DLG2: variants seen among roughly 807,000 people sequenced by gnomAD.
DLG2 encodes the protein discs large MAGUK scaffold protein 2, also known as disks large homolog 2.
DLG2 carries 45 observed loss-of-function variants against 132.5 expected under a neutral mutation model. That is an observed-to-expected ratio of 0.34 (90% CI 0.27 to 0.44). The LOEUF is 0.44. Ranked by LOEUF, DLG2 falls within the 20% of genes least tolerant of loss-of-function variation. The pLI, the probability that DLG2 is intolerant of heterozygous loss-of-function variation, is 1.00. For missense variants in DLG2, 1,045 were observed against 1,196.9 expected (o/e 0.87, Z 1.87); for synonymous variants, 424 against 419.6 (o/e 1.01, Z -0.13).
rs150913359 is a variant in DLG2 at position 84,227,636 on chromosome 11, T to C, written c.573+23602A>G. Among the ~76,000 whole-genome samples, 414 of 152,184 alleles carry C rather than the reference T, an allele frequency of 2.7e-3. 2 individuals are homozygous for C. The highest frequency in any genetic ancestry group is 6.8e-3 in the Middle Eastern group (2 of 294). ...GAGTTGGTGCTTTAAAAAATATGTATATTGGCTGGGTGTGGTGGCTCACAC... is the reference window on the plus strand; with the variant it reads ...GAGTTGGTGCTTTAAAAAATATGTACATTGGCTGGGTGTGGTGGCTCACAC... On this transcript the variant is annotated intron_variant, in intron 8 of 27. Transcript: ENST00000376104.
chr11:85,186,548 A>G (rs181888579), intron 4 of DLG2, among the ~76,000 whole-genome samples: 153 of 152,264 alleles, frequency 1.0e-3, no homozygotes, highest in Admixed American at 1.9e-3. Flanking sequence ...TTAGATTTGT[A>G]TTTATAGAAT....
intron 6 of DLG2, among the ~76,000 whole-genome samples, chr11:84,644,800 G>A (rs1314196195): frequency 6.6e-6 from 1 of 151,952 alleles, no homozygotes; most frequent in African/African-American, 2.4e-5. Flanking sequence ...AATAATTCCT[G>A]TATGTAGAAA....
At position 84,099,484 on chromosome 11, in the gene DLG2, T is replaced by A. The variant is rs185263797; in HGVS notation, c.625-437A>T. 2.7e-3 allele frequency among the ~76,000 whole-genome samples: 417 copies of A among 152,130 alleles called. 1 individual carries two copies. The highest frequency in any genetic ancestry group is 4.3e-3 in the Non-Finnish European group (291 of 67,982). ...GTGTTTCATTTTCTTATTTCTGGTA[T>A]TGTTGTTCTAATATCACTTATCTGT... On this transcript the variant is annotated intron_variant, in intron 9 of 27. Coordinates refer to ENST00000376104, the MANE Select transcript of DLG2 (RefSeq NM_001142699.3).
chr11:84,668,268 C>T lies in DLG2; in HGVS notation c.358-133537G>A, dbSNP rs781482610. Among the ~76,000 whole-genome samples, 25 of 152,078 alleles carry T rather than the reference C, an allele frequency of 1.6e-4. 1 individual carries two copies. Among genetic ancestry groups the T allele is most frequent in the Non-Finnish European group, 2.8e-4 (19 of 67,998 alleles). On this transcript the variant is annotated intron_variant, in intron 6 of 27. Transcript: ENST00000376104. ...ATCTGTACCCTACATTCTAGGGTGA[C>T]TCTACTAAAAAAGTTGCTGAATGGA...
chr11:85,065,015 G>C lies in DLG2; in HGVS notation c.357+46646C>G, dbSNP rs1285285173. Among the ~76,000 whole-genome samples the C allele has an allele frequency of 2.6e-5, 4 of 151,462 alleles. No homozygotes were observed. The East Asian group carries it at 7.8e-4, about 30-fold the overall frequency. On this transcript the variant is annotated intron_variant, in intron 6 of 27. Coordinates refer to ENST00000376104, the MANE Select transcript of DLG2 (RefSeq NM_001142699.3). ...TAAAGAGATAAGTAGTATATCTGTGGTATAAAAATTTCAAGAGGGGTGGAG... is the reference window on the plus strand; with the variant it reads ...TAAAGAGATAAGTAGTATATCTGTGCTATAAAAATTTCAAGAGGGGTGGAG...
intron 3 of DLG2, among the ~76,000 whole-genome samples, chr11:85,292,668 G>GGGAC: frequency 1.4e-5 from 1 of 69,912 alleles, no homozygotes; most frequent in Non-Finnish European, 3.4e-5. Flanking sequence ...GAGGGAGGGA[G>GGGAC]GGAGGGAGGG....
chr11:83,908,472 A>G (rs569466157), intron 15 of DLG2, among the ~76,000 whole-genome samples: 12 of 152,176 alleles, frequency 7.9e-5, no homozygotes, highest in Admixed American at 5.9e-4. Context: ...GCATATATGC[A>G]TGCACACACA....
chr11:85,070,066 C>T (rs1422109217), intron 6 of DLG2, among the ~76,000 whole-genome samples: 3 of 151,886 alleles, frequency 2.0e-5, no homozygotes, highest in Admixed American at 2.0e-4. Context: ...AAAAACCAAA[C>T]ACCGCATGTT....
intron 10 of DLG2, among the ~76,000 whole-genome samples, chr11:84,074,750 G>T (rs1232520231): frequency 6.6e-6 from 1 of 151,820 alleles, no homozygotes; most frequent in African/African-American, 2.4e-5. Context: ...GGATGGTCTC[G>T]ATCTCCTGAC....
Position 84,292,678 on chromosome 11 carries a change from T to C in DLG2, c.520-41387A>G, listed in dbSNP as rs537793275. Among the ~76,000 whole-genome samples, 12 of 152,310 alleles carry C rather than the reference T, an allele frequency of 7.9e-5. No individual in the cohort carries two copies. The East Asian group carries it at 2.1e-3, about 27-fold the overall frequency. The stretch of plus-strand genomic sequence containing the variant: ...ACATAAAAAAGACTCTATTAAGCCT[T>C]GTCAAACTTGATAGAGAATGAAAGT... On this transcript the variant is annotated intron_variant, in intron 7 of 27. Coordinates refer to ENST00000376104, the MANE Select transcript of DLG2 (RefSeq NM_001142699.3).
At chr11:83,940,131 C>T (rs532103033) in intron 14 of DLG2, among the ~76,000 whole-genome samples, 1 of 152,332 alleles carries the variant, frequency 6.6e-6, no homozygotes, top group African/African-American at 2.4e-5. Context: ...TGTTGTAGCA[C>T]TGCCTTGCTC....
intron 18 of DLG2, among the ~76,000 whole-genome samples, chr11:83,729,703 G>A (rs1033809769): frequency 2.0e-5 from 3 of 152,214 alleles, no homozygotes; most frequent in Non-Finnish European, 4.4e-5. Flanking sequence ...AATTGATGAA[G>A]GTGGCAGTAA....
At chr11:83,666,907 C>G (rs143526965) in intron 18 of DLG2, among the ~76,000 whole-genome samples, 92 of 152,322 alleles carry the variant, frequency 6.0e-4, no homozygotes, top group Middle Eastern at 6.8e-3. Flanking sequence ...TTCATTCCCT[C>G]TCCAACAGAT....
intron 10 of DLG2, among the ~76,000 whole-genome samples, chr11:84,070,124 A>G (rs990412859): frequency 6.6e-6 from 1 of 152,228 alleles, no homozygotes; most frequent in Non-Finnish European, 1.5e-5. Context: ...AATTCAAGAG[A>G]TTTGTAACAT....
intron 4 of DLG2, among the ~76,000 whole-genome samples, chr11:85,266,314 C>A (rs1175559175): frequency 2.0e-5 from 3 of 152,204 alleles, no homozygotes; most frequent in Non-Finnish European, 4.4e-5. Flanking sequence ...GTTCCTCTTG[C>A]CAGTGCCAAA....
intron 7 of DLG2, among the ~76,000 whole-genome samples, chr11:84,268,460 C>CTTTT (rs145806678): frequency 8.4e-6 from 1 of 119,246 alleles, no homozygotes; most frequent in Non-Finnish European, 1.7e-5. Context: ...TACTTCACCT[C>CTTTT]TTTTTTTTTT....
chr11:83,548,813 T>C (rs1855696581), intron 19 of DLG2, among the ~76,000 whole-genome samples: 1 of 152,194 alleles, frequency 6.6e-6, no homozygotes, highest in Admixed American at 6.6e-5. Flanking sequence ...CAGCCTTTCC[T>C]TCTCTAAAAT....
chr11:83,601,743 G>A (rs1268882120), intron 19 of DLG2, among the ~76,000 whole-genome samples: 7 of 151,032 alleles, frequency 4.6e-5, no homozygotes, highest in East Asian at 3.9e-4. Context: ...GGCTGATCTC[G>A]AACTCCTGGG....
At position 84,957,646 on chromosome 11, in the gene DLG2, A is replaced by C. The variant is rs544435298; in HGVS notation, c.357+154015T>G. 2.3e-4 allele frequency among the ~76,000 whole-genome samples: 35 copies of C among 152,312 alleles called. No homozygotes were observed. The East Asian group carries it at 6.4e-3, about 28-fold the overall frequency. ...AGTGTTTTATCCATTTATTACATTGAGTTGTTTACAAATACATCTGCCTGC... is the reference window on the plus strand; with the variant it reads ...AGTGTTTTATCCATTTATTACATTGCGTTGTTTACAAATACATCTGCCTGC... On this transcript the variant is annotated intron_variant, in intron 6 of 27. Transcript: ENST00000376104.
Sources: allele counts gnomAD v4.1 joint callset (sites outside exome capture counted in the v4.1 genomes callset), GRCh38; gene constraint gnomAD v4.1.1; transcripts MANE v1.5; gene names NCBI Gene and HGNC (gene_info 2026-07-23, HGNC 2026-07-21).